ARHGAP25: variants seen among roughly 807,000 people sequenced by gnomAD.
The protein encoded by ARHGAP25 is rho GTPase-activating protein 25.
ARHGAP25 carries 34 observed loss-of-function variants against 71.0 expected under a neutral mutation model. That is an observed-to-expected ratio of 0.48 (90% CI 0.36 to 0.64). The LOEUF is 0.64. Among genes scored for constraint, ARHGAP25 ranks in the 30% least tolerant of loss-of-function variants. The probability of loss-of-function intolerance (pLI) is 0.00; values close to 1 mark genes in which losing one functional copy is unlikely to be tolerated. For missense variants in ARHGAP25, 706 were observed against 805.1 expected (o/e 0.88, Z 1.49); for synonymous variants, 282 against 296.5 (o/e 0.95, Z 0.50).
chr2:68,725,446 T>G (rs930299170), intron 2 of ARHGAP25, among the ~76,000 whole-genome samples: 2 of 152,122 alleles, frequency 1.3e-5, no homozygotes, highest in African/African-American at 4.8e-5. Context: ...CATCTCAGCC[T>G]CCTGAGTAGC....
intron 1 of ARHGAP25, among the ~76,000 whole-genome samples, chr2:68,765,095 T>C (rs886361075): frequency 2.6e-5 from 4 of 152,170 alleles, no homozygotes; most frequent in African/African-American, 9.7e-5. Context: ...TCTCTCTCTC[T>C]GCCAGTAAGT....
At chr2:68,762,498 C>T (rs540904210) in intron 1 of ARHGAP25, among the ~76,000 whole-genome samples, 32 of 152,182 alleles carry the variant, frequency 2.1e-4, no homozygotes, top group African/African-American at 5.3e-4. Flanking sequence ...CAAAAGCTCT[C>T]GTATGCTATT....
chr2:68,759,439 G>A (rs1017626595), intron 1 of ARHGAP25, among the ~76,000 whole-genome samples: 1 of 151,532 alleles, frequency 6.6e-6, no homozygotes, highest in Non-Finnish European at 1.5e-5. Context: ...AAATATAAAA[G>A]TACTATAAGC....
At chr2:68,724,667 A>G (rs1488281952) in intron 2 of ARHGAP25, among the ~76,000 whole-genome samples, 1 of 152,236 alleles carries the variant, frequency 6.6e-6, no homozygotes. Context: ...GGGTGGCAGT[A>G]GGATCTCCAT....
At chr2:68,789,958 G>A (rs1005079561) in intron 4 of ARHGAP25, among the ~76,000 whole-genome samples, 2 of 152,148 alleles carry the variant, frequency 1.3e-5, no homozygotes, top group Non-Finnish European at 2.9e-5. Flanking sequence ...TCAAAGAACA[G>A]TGTTGCCTCT....
At chr2:68,716,879 T>A (rs1006063898) in intron 2 of ARHGAP25, among the ~76,000 whole-genome samples, 2 of 152,200 alleles carry the variant, frequency 1.3e-5, no homozygotes, top group Admixed American at 1.3e-4. Flanking sequence ...TTCATGTAGA[T>A]TCTATCTCTC....
chr2:68,813,343 C>T lies in ARHGAP25; in HGVS notation c.731C>T (p.Pro244Leu). Residue 244 changes from proline (P) to leucine (L), a missense_variant, in exon 6 of 11, where the codon CCA becomes CTA. Transcript: ENST00000409202. ...SLLKLYLRDLPEPVVPWSQYE... is the reference protein window; with the variant it reads ...SLLKLYLRDLLEPVVPWSQYE... ...TTAAAGCTCTACCTCCGAGACCTCC[C>T]AGAGCCCGTGGTTCCCTGGAGCCAG... is the stretch of plus-strand genomic sequence containing the variant. 1.2e-6 allele frequency: 2 copies of T among 1,613,978 alleles called. No homozygotes were observed. The highest frequency in any genetic ancestry group is 1.7e-6 in the Non-Finnish European group (2 of 1,179,986).
intron 1 of ARHGAP25, among the ~76,000 whole-genome samples, chr2:68,769,069 A>G (rs1677313768): frequency 1.3e-5 from 2 of 152,238 alleles, no homozygotes; most frequent in South Asian, 4.1e-4. Context: ...CTCCTTGTTC[A>G]GCAGGGGGCT....
At chr2:68,800,471 T>G (rs1199327579) in intron 4 of ARHGAP25, among the ~76,000 whole-genome samples, 1 of 152,070 alleles carries the variant, frequency 6.6e-6, no homozygotes, top group Non-Finnish European at 1.5e-5. Context: ...CTCACCCTTC[T>G]GTGGTTGTTC....
rs1675128812 is a variant in ARHGAP25, at chr2:68,734,983, G to A, written c.-217G>A. 18 of 599,000 alleles carry A rather than the reference G, an allele frequency of 3.0e-5. No individual in the cohort carries two copies. In the South Asian group the frequency reaches 3.6e-4, roughly 12 times the overall value. 37.1% of individuals were successfully genotyped at this position (599,000 alleles called of 1,614,324 possible). ...GAGGGTGGAGGCTGGGGGAGTTTGGGTGCCATCCTCCAGTGACAGATGGAT... is the reference window on the plus strand; with the variant it reads ...GAGGGTGGAGGCTGGGGGAGTTTGGATGCCATCCTCCAGTGACAGATGGAT... On this transcript the variant is annotated 5_prime_UTR_variant, in exon 1 of 11. It adds an upstream start codon to the 5' untranslated region. Coordinates refer to ENST00000409202, the MANE Select transcript of ARHGAP25 (RefSeq NM_001007231.3).
chr2:68,744,810 T>C (rs531723656), intron 1 of ARHGAP25, among the ~76,000 whole-genome samples: 1 of 152,354 alleles, frequency 6.6e-6, no homozygotes, highest in South Asian at 2.1e-4. Context: ...TGTGGTCTAT[T>C]TTCATTATTT....
intron 1 of ARHGAP25, among the ~76,000 whole-genome samples, chr2:68,747,514 T>C (rs1311644702): frequency 6.6e-6 from 1 of 152,072 alleles, no homozygotes; most frequent in Non-Finnish European, 1.5e-5. Flanking sequence ...CCCGTCCTCT[T>C]CCGTTTATCC....
At chr2:68,754,279 A>G (rs1056143860) in intron 1 of ARHGAP25, among the ~76,000 whole-genome samples, 1 of 144,536 alleles carries the variant, frequency 6.9e-6, no homozygotes, top group African/African-American at 2.6e-5. Flanking sequence ...CAAACCTTGG[A>G]CAACCACTCA....
chr2:68,737,046 C>G (rs1675258994), intron 1 of ARHGAP25, among the ~76,000 whole-genome samples: 1 of 151,978 alleles, frequency 6.6e-6, no homozygotes, highest in African/African-American at 2.4e-5. Context: ...TTTAGTATTA[C>G]TTAATGAAAA....
At chr2:68,743,944 C>T (rs1675667879) in intron 1 of ARHGAP25, among the ~76,000 whole-genome samples, 1 of 152,152 alleles carries the variant, frequency 6.6e-6, no homozygotes, top group African/African-American at 2.4e-5. Flanking sequence ...CCTGAGAAGC[C>T]ACACAATTTA....
At chr2:68,725,168 C>A (rs926372275) in intron 2 of ARHGAP25, among the ~76,000 whole-genome samples, 1 of 152,138 alleles carries the variant, frequency 6.6e-6, no homozygotes, top group Non-Finnish European at 1.5e-5. Flanking sequence ...CACAATCATG[C>A]GCAGTGAGCT....
chr2:68,826,035 TGAA>T lies in ARHGAP25; in HGVS notation c.1786_1788del (p.Glu596del). On this transcript the variant is annotated inframe_deletion, in exon 11 of 11. Transcript: ENST00000409202. ...TTTGGGCTAAAGTGGTGAGGCTCAA[TGAA>T]GAACTGGAGAAGGAAAAGAAGAAGT... 6.2e-7 allele frequency: 1 copy of T among 1,613,896 alleles called. No homozygotes were observed.
chr2:68,824,506 G>A (rs191180796), intron 10 of ARHGAP25, among the ~76,000 whole-genome samples: 157 of 152,346 alleles, frequency 1.0e-3, no homozygotes, highest in African/African-American at 3.4e-3. Context: ...ACTTTGGGAG[G>A]CCAAGGTGGG....
upstream of ARHGAP25, among the ~76,000 whole-genome samples, chr2:68,730,861 T>C (rs1348748706): frequency 6.6e-6 from 1 of 152,084 alleles, no homozygotes; most frequent in East Asian, 1.9e-4. Context: ...CGTTCTCCTC[T>C]CACTCCCCCA....
Sources: allele counts gnomAD v4.1 joint callset (sites outside exome capture counted in the v4.1 genomes callset), GRCh38; gene constraint gnomAD v4.1.1; transcripts MANE v1.5; gene names NCBI Gene and HGNC (gene_info 2026-07-23, HGNC 2026-07-21).